SCNN1G: variants seen among roughly 807,000 people sequenced by gnomAD.
The protein encoded by SCNN1G is epithelial sodium channel subunit gamma.
In SCNN1G, 27 loss-of-function variants were observed where a neutral mutation model predicts 64.6. The observed-to-expected ratio is 0.42, with a 90% CI of 0.31 to 0.58. The LOEUF is 0.58. Ranked by LOEUF, SCNN1G falls within the 20% of genes least tolerant of loss-of-function variation. SCNN1G has a pLI of 0.18. For synonymous variants in SCNN1G, 330 were observed against 314.2 expected (o/e 1.05, Z -0.53); for missense variants, 743 against 823.4 (o/e 0.90, Z 1.19).
At chr16:23,212,003 A>T (rs778232993) in intron 7 of SCNN1G, 31 bp from the exon 8 acceptor site, 14 of 1,473,670 alleles carry the variant, frequency 9.5e-6, no homozygotes, top group Non-Finnish European at 1.3e-5. Context: ...GAGCAAAGAC[A>T]TGAATGGCAT....
intron 11 of SCNN1G, among the ~76,000 whole-genome samples, chr16:23,213,602 G>A (rs964236293): frequency 2.0e-5 from 3 of 152,104 alleles, no homozygotes; most frequent in Non-Finnish European, 2.9e-5. Flanking sequence ...GCTGGGAGAC[G>A]GTGAACTCAC....
intron 2 of SCNN1G, among the ~76,000 whole-genome samples, chr16:23,187,109 T>TTC (rs1555473298): frequency 2.7e-5 from 4 of 146,624 alleles, no homozygotes; most frequent in Non-Finnish European, 6.0e-5. Flanking sequence ...GCCTTTTCTT[T>TTC]TTTTTTTTTT....
At chr16:23,204,328 TATATATAGAGAG>T (rs1340310164) in intron 6 of SCNN1G, among the ~76,000 whole-genome samples, 11 of 45,028 alleles carry the variant, frequency 2.4e-4, no homozygotes, top group East Asian at 6.9e-4. Flanking sequence ...TATATATATA[TATATATAGAGAG>T]AGAGAGAGAG....
At chr16:23,194,350 G>A (rs1023292513) in intron 5 of SCNN1G, 76 bp downstream of exon 5, 14 of 1,026,106 alleles carry the variant, frequency 1.4e-5, no homozygotes, top group Admixed American at 3.5e-5. Flanking sequence ...GTGGGGATGC[G>A]GGAGCCCTCT....
chr16:23,204,268 T>C (rs1459483393), intron 6 of SCNN1G, among the ~76,000 whole-genome samples: 1 of 116,484 alleles, frequency 8.6e-6, no homozygotes, highest in African/African-American at 3.3e-5. Context: ...GGCAGAGTGA[T>C]ACTCCATCAC....
chr16:23,194,130 A>G (rs747532934), intron 4 of SCNN1G, 41 bp from the exon 5 acceptor site: 7 of 1,370,752 alleles, frequency 5.1e-6, no homozygotes, highest in East Asian at 2.3e-5. Flanking sequence ...GCTAAGATGC[A>G]TGGGGGAGAT....
chr16:23,204,332 T>TAG (rs1275220740), intron 6 of SCNN1G, among the ~76,000 whole-genome samples: 9 of 25,142 alleles, frequency 3.6e-4, no homozygotes, highest in Admixed American at 6.1e-4. Flanking sequence ...TATATATATA[T>TAG]ATAGAGAGAG....
rs183552204 is a variant in SCNN1G at position 23,203,119 on chromosome 16, A to G, written c.1077+5692A>G. 4.8e-4 allele frequency among the ~76,000 whole-genome samples: 73 copies of G among 152,362 alleles called. 1 individual carries two copies. Among genetic ancestry groups the G allele is most frequent in the Non-Finnish European group, 9.0e-4 (61 of 68,032 alleles). ...AAGCCAGAAAGAGTTGGCATCAGAT[A>G]AATCAAGGAAGAGAATTTTACAGAA... On this transcript the variant is annotated intron_variant, in intron 6 of 12. Transcript: ENST00000300061.
rs1253523070 is a variant in SCNN1G at position 23,216,831 on chromosome 16, T to C, written c.*1362T>C. The C allele has an allele frequency of 2.0e-5, 3 of 152,260 alleles. No homozygotes were observed. The highest frequency in any genetic ancestry group is 3.9e-4 in the East Asian group (2 of 5,174). The allele number at this position is 152,260 out of a possible 1,614,324, so 9.4% of individuals were successfully genotyped here. A position where few individuals can be genotyped will look rare whatever the true frequency, so the allele number is the denominator to read the frequency against. The stretch of plus-strand genomic sequence containing the variant: ...GATTCTGTGACTCATGAAAATGATA[T>C]GAGATTCGAATTCCAGTGTCTATAA... On this transcript the variant is annotated 3_prime_UTR_variant, in exon 13 of 13. Transcript: ENST00000300061.
At chr16:23,187,902 G>A (rs1019489439) in intron 2 of SCNN1G, among the ~76,000 whole-genome samples, 5 of 152,248 alleles carry the variant, frequency 3.3e-5, no homozygotes, top group South Asian at 2.1e-4. Context: ...ATTATCAAAC[G>A]AAACTAACTT....
chr16:23,192,591 A>G, intron 4 of SCNN1G, 49 bp downstream of exon 4: 1 of 1,487,020 alleles, frequency 6.7e-7, no homozygotes, highest in Non-Finnish European at 9.3e-7. Context: ...GGCAGCTCTG[A>G]GTACCAGGCC....
intron 3 of SCNN1G, among the ~76,000 whole-genome samples, chr16:23,191,269 C>T (rs1959704122): frequency 6.6e-6 from 1 of 152,184 alleles, no homozygotes; most frequent in South Asian, 2.1e-4. Context: ...ATGTCCATAC[C>T]TTATAGGCTT....
rs1035081114 is a variant in SCNN1G, at chr16:23,211,899, G to A, written c.1177-135G>A. 1.8e-5 allele frequency: 14 copies of A among 757,182 alleles called. No individual in the cohort carries two copies. The African/African-American group carries it at 2.4e-4, about 13-fold the overall frequency. The allele number at this position is 757,182 out of a possible 1,614,324, so 46.9% of individuals were successfully genotyped here. ...CAGTTCCGGGACCATGCCCAGCCCA[G>A]TTGGCATAAGGGGCAGGTTCATGTG... On this transcript the variant is annotated intron_variant, in intron 7 of 12. Transcript: ENST00000300061.
In SCNN1G at chr16:23,189,507, C is replaced by T. The variant is rs367966221; in HGVS notation, c.454C>T (p.Pro152Ser). 1 of 1,614,040 alleles carries T rather than the reference C, an allele frequency of 6.2e-7. No homozygotes were observed. Reference protein sequence around the residue: ...SWNSVSEGKQPRFSHRIPLLI... With the variant: ...SWNSVSEGKQSRFSHRIPLLI... Reference sequence around the variant, plus strand: ...GAACTCCGTCTCAGAGGGAAAGCAGCCTAGATTCTCCCACCGGATTCCGCT... The same window carrying T: ...GAACTCCGTCTCAGAGGGAAAGCAGTCTAGATTCTCCCACCGGATTCCGCT... Residue 152 changes from proline (P) to serine (S), a missense_variant, in exon 3 of 13, where the codon CCT becomes TCT. Pro to Ser is a moderately conservative substitution (Grantham distance 74). Coordinates refer to ENST00000300061, the MANE Select transcript of SCNN1G (RefSeq NM_001039.4).
In SCNN1G at chr16:23,209,860, G is replaced by A. The variant is rs545770947; in HGVS notation, c.1176+12G>A. The A allele has an allele frequency of 6.9e-6, 11 of 1,596,044 alleles. No homozygotes were observed. The highest frequency in any genetic ancestry group is 2.7e-5 in the African/African-American group (2 of 74,706). ...CCTACTCGCTCCAGGTAACAGATTGGCAGGGGCACCCAGCCCTGGGTTTAT... is the reference window on the plus strand; with the variant it reads ...CCTACTCGCTCCAGGTAACAGATTGACAGGGGCACCCAGCCCTGGGTTTAT... On this transcript the variant is annotated intron_variant, in intron 7 of 12. Coordinates refer to ENST00000300061, the MANE Select transcript of SCNN1G (RefSeq NM_001039.4).
At position 23,215,567 on chromosome 16, in the gene SCNN1G, C is replaced by T. The variant is rs557122430; in HGVS notation, c.*98C>T. The T allele has an allele frequency of 2.2e-5, 32 of 1,439,054 alleles. No homozygotes were observed. In the African/African-American group the frequency reaches 3.9e-4, roughly 18 times the overall value. The allele number at this position is 1,439,054 out of a possible 1,614,324, so 89.1% of individuals were successfully genotyped here. A position where few individuals can be genotyped will look rare whatever the true frequency, so the allele number is the denominator to read the frequency against. On this transcript the variant is annotated 3_prime_UTR_variant, in exon 13 of 13. Transcript: ENST00000300061. ...ACGTGTGCACAGGGGACCCTCTGCC[C>T]CACTCTGGGCTTTTCAGATACTCTG...
Position 23,189,462 on chromosome 16 carries a change from C to T in SCNN1G, c.409C>T (p.Arg137Cys), listed in dbSNP as rs1335182657. The T allele has an allele frequency of 6.2e-6, 10 of 1,614,158 alleles. No individual in the cohort carries two copies. Among genetic ancestry groups the T allele is most frequent in the East Asian group, 2.2e-5 (1 of 44,868 alleles). ...SLYGFPESRK[R>C]REAESWNSVS... is the part of the protein sequence containing the mutation. ...GTATGGCTTTCCAGAGTCCCGGAAG[C>T]GCCGAGAGGCGGAGTCCTGGAACTC... The change falls in exon 3 of 13, where the codon CGC becomes TGC. Residue 137 changes from arginine (R) to cysteine (C), a missense_variant. Arg to Cys is a radical substitution (Grantham distance 180). Coordinates refer to ENST00000300061, the MANE Select transcript of SCNN1G (RefSeq NM_001039.4).
chr16:23,183,354 G>C (rs980710455), intron 1 of SCNN1G, among the ~76,000 whole-genome samples: 1 of 152,226 alleles, frequency 6.6e-6, no homozygotes, highest in Non-Finnish European at 1.5e-5. Flanking sequence ...GCAGGAGCTC[G>C]GGTCAGGGCC....
intron 11 of SCNN1G, among the ~76,000 whole-genome samples, chr16:23,214,398 G>A (rs775024820): frequency 2.0e-5 from 3 of 152,182 alleles, no homozygotes; most frequent in Non-Finnish European, 2.9e-5. Flanking sequence ...ACATACTTGA[G>A]ATTGCAATCA....
Sources: gnomAD v4.1 joint callset for allele counts (sites outside exome capture counted in the v4.1 genomes callset) on GRCh38, gnomAD v4.1.1 for gene constraint, MANE v1.5 for transcripts, NCBI Gene and HGNC (gene_info 2026-07-23, HGNC 2026-07-21) for gene names.